Variants in SDK2 observed in about 807,000 individuals in gnomAD.
SDK2 encodes the protein sidekick cell adhesion molecule 2, also known as protein sidekick-2.
SDK2 carries 105 observed loss-of-function variants against 253.9 expected under a neutral mutation model. That is an observed-to-expected ratio of 0.41 (90% CI 0.35 to 0.49). The LOEUF (loss-of-function observed/expected upper bound fraction) is 0.49. SDK2 is among the 20% of genes least tolerant of loss of function. The probability of loss-of-function intolerance (pLI) is 0.06; values close to 1 mark genes in which losing one functional copy is unlikely to be tolerated. For missense variants in SDK2, 2,608 were observed against 3,003.0 expected (o/e 0.87, Z 3.07); for synonymous variants, 1,249 against 1,234.9 (o/e 1.01, Z -0.24).
At chr17:73,552,101 G>C (rs1174518729) in intron 1 of SDK2, among the ~76,000 whole-genome samples, 7 of 151,808 alleles carry the variant, frequency 4.6e-5, no homozygotes, top group Admixed American at 4.6e-4. Flanking sequence ...TGTCCCCCCT[G>C]TCTGGGGCCC....
intron 39 of SDK2, among the ~76,000 whole-genome samples, chr17:73,358,866 C>T (rs553936852): frequency 1.7e-4 from 26 of 152,208 alleles, no homozygotes; most frequent in South Asian, 1.2e-3. Context: ...GGCCCCATGC[C>T]GCGCTCCTGG....
rs751707712 is a variant in SDK2 at position 73,612,537 on chromosome 17, T to A, written c.64+31488A>T. On this transcript the variant is annotated intron_variant, in intron 1 of 44. Coordinates refer to ENST00000392650, the MANE Select transcript of SDK2 (RefSeq NM_001144952.2). The surrounding 1 kb of genome is among the most constrained non-coding windows in gnomAD (Gnocchi z 4.4). ...AGCCGACAAGCCCAGGGTGGCAGCC[T>A]GAGGGTCCCGGCTTCCCCATTCTGA... Among the ~76,000 whole-genome samples the A allele has an allele frequency of 6.6e-6, 1 of 152,100 alleles. No homozygotes were observed. The highest frequency in any genetic ancestry group is 1.5e-5 in the Non-Finnish European group (1 of 68,006).
At chr17:73,613,977 A>C (rs2143146666) in intron 1 of SDK2, among the ~76,000 whole-genome samples, 1 of 152,354 alleles carries the variant, frequency 6.6e-6, no homozygotes, top group Non-Finnish European at 1.5e-5. Context: ...AGCTATTAAA[A>C]CAAAAACAAA....
chr17:73,520,368 T>A (rs958302954), intron 1 of SDK2: 28 of 152,354 alleles, frequency 1.8e-4, no homozygotes, highest in African/African-American at 6.3e-4. Flanking sequence ...CAAGGCCACT[T>A]CCCCTCTCTT....
rs2063328167 is a variant in SDK2 at position 73,431,764 on chromosome 17, G to T, written c.1313-95C>A. 7 of 1,294,888 alleles carry T rather than the reference G, an allele frequency of 5.4e-6. No individual in the cohort carries two copies. Among genetic ancestry groups the T allele is most frequent in the South Asian group, 1.6e-5 (1 of 64,436 alleles). 80.2% of individuals were successfully genotyped at this position (1,294,888 alleles called of 1,614,324 possible). On this transcript the variant is annotated intron_variant, in intron 10 of 44. Transcript: ENST00000392650. The surrounding 1 kb of genome is among the most constrained non-coding windows in gnomAD (Gnocchi z 5.6). Reference sequence around the variant, plus strand: ...CCAGGGCAGCATGGTCCCCCCACAGGCCCCTGGCTCTGGAAATGCTGGAAG... The same window carrying T: ...CCAGGGCAGCATGGTCCCCCCACAGTCCCCTGGCTCTGGAAATGCTGGAAG...
At chr17:73,548,051 G>A (rs1051944007) in intron 1 of SDK2, among the ~76,000 whole-genome samples, 9 of 152,154 alleles carry the variant, frequency 5.9e-5, no homozygotes, top group South Asian at 2.1e-4. Flanking sequence ...TCACTATTAC[G>A]AGAACGGCGT....
intron 1 of SDK2, among the ~76,000 whole-genome samples, chr17:73,587,510 C>T (rs539922513): frequency 6.6e-5 from 10 of 152,230 alleles, no homozygotes; most frequent in African/African-American, 1.7e-4. Flanking sequence ...CAGGGTGGCT[C>T]GGGCCATCTC....
rs1411704427 is a variant in SDK2 at position 73,616,738 on chromosome 17, A to G, written c.64+27287T>C. 6.6e-6 allele frequency among the ~76,000 whole-genome samples: 1 copy of G among 152,154 alleles called. No homozygotes were observed. Among genetic ancestry groups the G allele is most frequent in the Non-Finnish European group, 1.5e-5 (1 of 68,026 alleles). On this transcript the variant is annotated intron_variant, in intron 1 of 44. Transcript: ENST00000392650. This position sits in a 1 kb window ranked among gnomAD's most constrained non-coding sequence, Gnocchi z 5.2. ...TTCCTCCTGGGCCCAGCCCTTAGAG[A>G]GGTGCCTGAGAGGTGAGGGAGGTGC...
chr17:73,504,980 C>T (rs983984426), intron 2 of SDK2, among the ~76,000 whole-genome samples: 7 of 152,088 alleles, frequency 4.6e-5, no homozygotes, highest in South Asian at 2.1e-4. Flanking sequence ...TCAGGCACAC[C>T]GTTGCCCCCA....
chr17:73,403,636 G>A (rs543862728), intron 18 of SDK2, among the ~76,000 whole-genome samples: 3 of 152,234 alleles, frequency 2.0e-5, no homozygotes, highest in South Asian at 2.1e-4. Flanking sequence ...AATGTCTCCC[G>A]GTTAACTCAT....
Position 73,431,796 on chromosome 17 carries a change from G to C in SDK2, c.1313-127C>G. The C allele has an allele frequency of 9.5e-7, 1 of 1,051,674 alleles. No homozygotes were observed. Among genetic ancestry groups the C allele is most frequent in the Non-Finnish European group, 1.3e-6 (1 of 756,202 alleles). The allele number at this position is 1,051,674 out of a possible 1,614,324, so 65.1% of individuals were successfully genotyped here. The stretch of plus-strand genomic sequence containing the variant: ...GCTCTGGAAATGCTGGAAGGAATGA[G>C]GACAGATGGCGGTGGGGCTGGGGTG... On this transcript the variant is annotated intron_variant, in intron 10 of 44. Transcript: ENST00000392650. The surrounding 1 kb of genome is among the most constrained non-coding windows in gnomAD (Gnocchi z 5.6).
intron 2 of SDK2, among the ~76,000 whole-genome samples, chr17:73,478,047 C>T (rs1209639127): frequency 6.6e-6 from 1 of 152,162 alleles, no homozygotes; most frequent in Non-Finnish European, 1.5e-5. Context: ...AGCAAAACGT[C>T]TCTCCCACCC....
chr17:73,457,202 C>T (rs1421550054), intron 3 of SDK2, among the ~76,000 whole-genome samples: 3 of 151,684 alleles, frequency 2.0e-5, no homozygotes, highest in Non-Finnish European at 2.9e-5. Context: ...AGACATCTCA[C>T]ATCATTCCAT....
At position 73,440,919 on chromosome 17, in the gene SDK2, T is replaced by A; in HGVS notation, c.618A>T (p.Val206=). ...GTGCGATGGGGTCTGCAGGCCCCCC[T>A]ACATCTGGAGAGAGATCAGATGTTA... ...SQPITLTVEN[V]GGPADPIAPT... Residue 206 remains valine, a synonymous_variant, in exon 6 of 45, where the codon GTA becomes GTT. Transcript: ENST00000392650. The A allele has an allele frequency of 6.5e-7, 1 of 1,547,508 alleles. No individual in the cohort carries two copies. The highest frequency in any genetic ancestry group is 8.7e-7 in the Non-Finnish European group (1 of 1,143,566).
At chr17:73,580,485 A>G (rs1162474107) in intron 1 of SDK2, among the ~76,000 whole-genome samples, 1 of 152,200 alleles carries the variant, frequency 6.6e-6, no homozygotes, top group Non-Finnish European at 1.5e-5. Context: ...GCTTCTCCGG[A>G]ACACCGGGGC....
At chr17:73,414,449 T>C (rs1164242685) in intron 18 of SDK2, among the ~76,000 whole-genome samples, 195 bp downstream of exon 18, 1 of 152,194 alleles carries the variant, frequency 6.6e-6, no homozygotes, top group African/African-American at 2.4e-5. Context: ...GGGCAGTGTC[T>C]GCACTTCCTG....
At chr17:73,544,638 T>C (rs1048925949) in intron 1 of SDK2, among the ~76,000 whole-genome samples, 13 of 152,148 alleles carry the variant, frequency 8.5e-5, no homozygotes, top group Admixed American at 5.2e-4. Context: ...GGATGGATAG[T>C]GGATGGATGG....
intron 1 of SDK2, among the ~76,000 whole-genome samples, chr17:73,622,619 G>C (rs1473646223): frequency 1.3e-5 from 2 of 152,166 alleles, no homozygotes; most frequent in African/African-American, 2.4e-5. Flanking sequence ...ATTTGCAAAG[G>C]GTACGTAGAG....
chr17:73,592,320 G>A (rs1024035672), intron 1 of SDK2, among the ~76,000 whole-genome samples: 7 of 152,252 alleles, frequency 4.6e-5, no homozygotes, highest in Non-Finnish European at 8.8e-5. Flanking sequence ...CATTGCACCT[G>A]CCAGCAGGGT....
Sources: gnomAD v4.1 joint callset for allele counts (sites outside exome capture counted in the v4.1 genomes callset) on GRCh38, gnomAD v4.1.1 for gene constraint, Gnocchi (gnomAD v3.1) non-coding constraint, MANE v1.5 for transcripts, NCBI Gene and HGNC (gene_info 2026-07-23, HGNC 2026-07-21) for gene names.